The following AFG1L variants were observed in gnomAD, a reference collection of about 807,000 sequenced individuals.
AFG1L encodes AFG1 like ATPase, also known as AFG1-like ATPase.
In AFG1L, 53 loss-of-function variants were observed where a neutral mutation model predicts 62.2. The observed-to-expected ratio is 0.85, with a 90% CI of 0.68 to 1.07. AFG1L has a LOEUF of 1.07. Among genes scored for constraint, AFG1L ranks in the 50% least tolerant of loss-of-function variants. The pLI is 0.00. For synonymous variants in AFG1L, 228 were observed against 210.3 expected, an observed-to-expected ratio of 1.08 and a Z score of -0.73; for missense variants, 555 against 590.5, an observed-to-expected ratio of 0.94 and a Z score of 0.62.
At chr6:108,429,479 G>C (rs992766750) in intron 7 of AFG1L, among the ~76,000 whole-genome samples, 1 of 152,086 alleles carries the variant, frequency 6.6e-6, no homozygotes, top group Non-Finnish European at 1.5e-5. Context: ...CTCCCACCAG[G>C]TCCTTTCCAC....
At chr6:108,420,778 A>G (rs1463244474) in intron 7 of AFG1L, among the ~76,000 whole-genome samples, 1 of 152,140 alleles carries the variant, frequency 6.6e-6, no homozygotes, top group Non-Finnish European at 1.5e-5. Context: ...TTATCTGGAA[A>G]AAAACAAGCT....
At chr6:108,468,292 C>G (rs988400751) in intron 8 of AFG1L, among the ~76,000 whole-genome samples, 1 of 152,082 alleles carries the variant, frequency 6.6e-6, no homozygotes, top group African/African-American at 2.4e-5. Flanking sequence ...CTCACATGTC[C>G]TAAAAATGTA....
At position 108,447,247 on chromosome 6, in the gene AFG1L, A is replaced by G. The variant is rs371841256; in HGVS notation, c.841A>G (p.Ile281Val). ...TAATACAGTCCAGCTAGATTCTGGG[A>G]TAGATTACCGGAAAAGGGAACTTCC... is the stretch of plus-strand genomic sequence containing the variant. ...YCNTVQLDSG[I>V]DYRKRELPAA... Residue 281 changes from isoleucine (I) to valine (V), a missense_variant, in exon 8 of 13, where the codon ATA (isoleucine) becomes GTA (valine). By Grantham distance (29) the Ile-to-Val change is conservative. Transcript: ENST00000368977. 2 of 1,608,322 alleles carry G rather than the reference A, an allele frequency of 1.2e-6. No individual in the cohort carries two copies. The highest frequency in any genetic ancestry group is 1.3e-5 in the African/African-American group (1 of 74,810).
rs777373877 is a variant in AFG1L, at chr6:108,524,342, T to G, written c.*1917T>G. 3.3e-5 allele frequency: 5 copies of G among 152,220 alleles called. No homozygotes were observed. Among genetic ancestry groups the G allele is most frequent in the African/African-American group, 4.8e-5 (2 of 41,450 alleles). 9.4% of individuals were successfully genotyped at this position (152,220 alleles called of 1,614,324 possible). ...AATGGACAGACAGATAGATGGACAG[T>G]ATGACCGATAGACAGACCTGTCCCT... On this transcript the variant is annotated 3_prime_UTR_variant, in exon 13 of 13. Transcript: ENST00000368977.
At chr6:108,437,512 G>A (rs1457804050) in intron 7 of AFG1L, among the ~76,000 whole-genome samples, 1 of 152,070 alleles carries the variant, frequency 6.6e-6, no homozygotes, top group Non-Finnish European at 1.5e-5. Context: ...CCTTGGTTTA[G>A]ATGATCAAGT....
chr6:108,499,440 T>C (rs1341263956), intron 10 of AFG1L, among the ~76,000 whole-genome samples: 1 of 151,908 alleles, frequency 6.6e-6, no homozygotes, highest in Non-Finnish European at 1.5e-5. Flanking sequence ...ATTAAGACTT[T>C]TAAAATTTTA....
chr6:108,438,972 A>G (rs1443541717), intron 7 of AFG1L, among the ~76,000 whole-genome samples: 1 of 152,204 alleles, frequency 6.6e-6, no homozygotes, highest in African/African-American at 2.4e-5. Context: ...GGTCTGCTCT[A>G]AAGTGAGGTA....
intron 5 of AFG1L, among the ~76,000 whole-genome samples, chr6:108,357,778 T>G (rs1292417063): frequency 1.3e-5 from 2 of 152,184 alleles, no homozygotes; most frequent in Non-Finnish European, 2.9e-5. Flanking sequence ...CCTGTTCTTC[T>G]GTGTTTTATA....
chr6:108,433,878 C>A (rs946144352), intron 7 of AFG1L, among the ~76,000 whole-genome samples: 1 of 152,196 alleles, frequency 6.6e-6, no homozygotes, highest in Non-Finnish European at 1.5e-5. Flanking sequence ...CAGGCGTGAG[C>A]CACTGTGCCC....
chr6:108,313,423 A>G (rs1777483985), intron 1 of AFG1L, among the ~76,000 whole-genome samples: 2 of 152,248 alleles, frequency 1.3e-5, no homozygotes, highest in Admixed American at 1.3e-4. Context: ...CCTGGTACTT[A>G]GTAAATACTC....
intron 7 of AFG1L, among the ~76,000 whole-genome samples, chr6:108,422,858 A>G (rs1422115602): frequency 6.6e-6 from 1 of 151,996 alleles, no homozygotes; most frequent in Admixed American, 6.6e-5. Flanking sequence ...TGACGTTTTG[A>G]TTCTGGATAG....
chr6:108,506,501 G>A (rs1774425675), intron 10 of AFG1L, among the ~76,000 whole-genome samples: 1 of 152,026 alleles, frequency 6.6e-6, no homozygotes, highest in Admixed American at 6.6e-5. Context: ...GAGCCACTGG[G>A]CCTGGCTTCC....
At chr6:108,467,444 C>T (rs1481481433) in intron 8 of AFG1L, among the ~76,000 whole-genome samples, 1 of 151,960 alleles carries the variant, frequency 6.6e-6, no homozygotes, top group African/African-American at 2.4e-5. Flanking sequence ...GATGGAGTTT[C>T]GCCATATTAG....
intron 8 of AFG1L, among the ~76,000 whole-genome samples, chr6:108,475,954 C>T (rs118178220): frequency 4.2e-3 from 637 of 152,290 alleles, no homozygotes; most frequent in Non-Finnish European, 7.7e-3. Context: ...TCCACTACTA[C>T]GTAAGAGTGA....
chr6:108,329,444 G>A (rs1327531894), intron 2 of AFG1L, among the ~76,000 whole-genome samples: 6 of 151,782 alleles, frequency 4.0e-5, no homozygotes, highest in African/African-American at 1.2e-4. Flanking sequence ...GATTACAGGC[G>A]CCCACCACCA....
chr6:108,420,084 CT>C (rs1387432564), intron 7 of AFG1L, among the ~76,000 whole-genome samples: 1 of 152,078 alleles, frequency 6.6e-6, no homozygotes, highest in Non-Finnish European at 1.5e-5. Context: ...CAGAATCAGC[CT>C]TTGAGGTCAG....
chr6:108,496,705 T>A (rs1219235642), intron 10 of AFG1L, among the ~76,000 whole-genome samples: 1 of 151,896 alleles, frequency 6.6e-6, no homozygotes, highest in Non-Finnish European at 1.5e-5. Context: ...TTTGCTTCTT[T>A]CTCCTTTGGA....
At chr6:108,456,747 G>T (rs977556707) in intron 8 of AFG1L, among the ~76,000 whole-genome samples, 5 of 151,938 alleles carry the variant, frequency 3.3e-5, no homozygotes, top group African/African-American at 1.2e-4. Flanking sequence ...ATCATGCACC[G>T]CATAGTAATA....
intron 10 of AFG1L, among the ~76,000 whole-genome samples, chr6:108,486,853 C>T (rs1023944592): frequency 1.3e-5 from 2 of 151,954 alleles, no homozygotes; most frequent in Non-Finnish European, 2.9e-5. Flanking sequence ...TACAGGCACA[C>T]CTCACCACGC....
Sources: allele counts gnomAD v4.1 joint callset (sites outside exome capture counted in the v4.1 genomes callset), GRCh38; gene constraint gnomAD v4.1.1; transcripts MANE v1.5; gene names NCBI Gene and HGNC (gene_info 2026-07-23, HGNC 2026-07-21).